SYT16: variants seen among roughly 807,000 people sequenced by gnomAD.
SYT16 encodes synaptotagmin 16, also known as synaptotagmin-16.
A neutral mutation model predicts 61.4 loss-of-function variants in SYT16; 42 were observed. That is an observed-to-expected ratio of 0.68 (90% CI 0.53 to 0.89). SYT16 has a LOEUF of 0.89. Among genes scored for constraint, SYT16 ranks in the 40% least tolerant of loss-of-function variants. The pLI is 0.00. For missense variants in SYT16, 804 were observed against 807.3 expected (o/e 1.00, Z 0.05); for synonymous variants, 314 against 302.3 (o/e 1.04, Z -0.40).
At chr14:61,986,617 A>G (rs945946568) in intron 2 of SYT16, among the ~76,000 whole-genome samples, 1 of 151,768 alleles carries the variant, frequency 6.6e-6, no homozygotes, top group Non-Finnish European at 1.5e-5. Context: ...CCACCCCACA[A>G]CAGGCCCCGG....
intron 1 of SYT16, among the ~76,000 whole-genome samples, chr14:61,964,021 T>C (rs1218598675): frequency 3.3e-5 from 5 of 152,124 alleles, no homozygotes; most frequent in Non-Finnish European, 7.4e-5. Context: ...GGAGACTCCT[T>C]TCAAAATATT....
At chr14:61,997,252 C>A (rs1333096082) in intron 3 of SYT16, among the ~76,000 whole-genome samples, 1 of 152,040 alleles carries the variant, frequency 6.6e-6, no homozygotes, top group Non-Finnish European at 1.5e-5. Context: ...GAAGTAAGGA[C>A]ATTCCACCTG....
At chr14:62,097,453 C>G (rs2057306879) in intron 7 of SYT16, among the ~76,000 whole-genome samples, 1 of 152,166 alleles carries the variant, frequency 6.6e-6, no homozygotes, top group South Asian at 2.1e-4. Flanking sequence ...TCCATTCAGT[C>G]TGACTGGTGT....
chr14:61,905,776 G>T lies in SYT16; in HGVS notation c.-324-64356G>T, dbSNP rs2583901. On this transcript the variant is annotated intron_variant, in intron 1 of 7. Coordinates refer to ENST00000683842, the MANE Select transcript of SYT16 (RefSeq NM_001367656.1). ...TCTTCTTCTTCTTTTTTTTTTTTTT[G>T]GGGATAAATCTCGCTCTGTTGCCCA... 2.9e-3 allele frequency among the ~76,000 whole-genome samples: 37 copies of T among 12,578 alleles called. 2 individuals carry two copies. Among genetic ancestry groups the T allele is most frequent in the East Asian group, 5.0e-3 (2 of 398 alleles). 8.3% of individuals were successfully genotyped at this position (12,578 alleles called of 152,430 possible). A position where few individuals can be genotyped will look rare whatever the true frequency, so the allele number is the denominator to read the frequency against.
At chr14:61,987,823 A>T (rs1475630640) in intron 2 of SYT16, among the ~76,000 whole-genome samples, 4 of 151,678 alleles carry the variant, frequency 2.6e-5, no homozygotes, top group Non-Finnish European at 5.9e-5. Flanking sequence ...CAAACACTGA[A>T]TGATTGCTGA....
At chr14:61,855,444 C>G (rs1271097614) in intron 1 of SYT16, among the ~76,000 whole-genome samples, 1 of 152,176 alleles carries the variant, frequency 6.6e-6, no homozygotes, top group Non-Finnish European at 1.5e-5. Flanking sequence ...TTAATATGCT[C>G]ACAACACTTA....
chr14:62,078,106 GCTCTCTCT>G, intron 5 of SYT16, among the ~76,000 whole-genome samples: 1 of 137,536 alleles, frequency 7.3e-6, no homozygotes, highest in African/African-American at 2.8e-5. Flanking sequence ...TTGTGCGCTT[GCTCTCTCT>G]CTCTCTCTCT....
chr14:61,956,714 A>G (rs1447034783), intron 1 of SYT16, among the ~76,000 whole-genome samples: 1 of 151,926 alleles, frequency 6.6e-6, no homozygotes, highest in Non-Finnish European at 1.5e-5. Context: ...GCTTTGCAAT[A>G]TGTTTTGACA....
chr14:62,048,924 G>C (rs1398657379), intron 3 of SYT16, among the ~76,000 whole-genome samples: 1 of 152,160 alleles, frequency 6.6e-6, no homozygotes, highest in Admixed American at 6.5e-5. Context: ...AATAGGTGTG[G>C]TGTGGTGCTG....
At chr14:62,043,191 T>G (rs1194509993) in intron 3 of SYT16, among the ~76,000 whole-genome samples, 1 of 151,622 alleles carries the variant, frequency 6.6e-6, no homozygotes, top group Non-Finnish European at 1.5e-5. Flanking sequence ...TCTCGTCCTA[T>G]AGTAGTACTT....
intron 3 of SYT16, among the ~76,000 whole-genome samples, chr14:62,008,772 T>A (rs563440109): frequency 6.6e-6 from 1 of 152,228 alleles, no homozygotes; most frequent in Admixed American, 6.6e-5. Context: ...CAATGTTATG[T>A]TTTTGAGTTA....
intron 2 of SYT16, among the ~76,000 whole-genome samples, chr14:61,971,104 C>T (rs2051535186): frequency 6.6e-6 from 1 of 151,952 alleles, no homozygotes; most frequent in African/African-American, 2.4e-5. Flanking sequence ...TCTAAGTATG[C>T]CTGGACCAAG....
chr14:62,050,049 A>G (rs769651434), intron 3 of SYT16, among the ~76,000 whole-genome samples: 1 of 152,142 alleles, frequency 6.6e-6, no homozygotes, highest in South Asian at 2.1e-4. Flanking sequence ...TTCTCCTGGA[A>G]AATATCCTGC....
rs58063130 is a variant in SYT16 at position 62,043,099 on chromosome 14, C to CTTT, written c.524-26490_524-26488dup. Among the ~76,000 whole-genome samples the CTTT allele has an allele frequency of 7.1e-4, 97 of 137,054 alleles. 1 individual carries two copies. Among genetic ancestry groups the CTTT allele is most frequent in the African/African-American group, 1.8e-3 (70 of 38,124 alleles). 89.9% of individuals were successfully genotyped at this position (137,054 alleles called of 152,430 possible). A position where few individuals can be genotyped will look rare whatever the true frequency, so the allele number is the denominator to read the frequency against. On this transcript the variant is annotated intron_variant, in intron 3 of 7. Transcript: ENST00000683842. ...GTTTTAAAGGTTGCCTGTGGTTTCT[C>CTTT]TTTTTTTTTTTTTTTTACATAGAAA...
In SYT16 at chr14:61,995,932, C is replaced by T. The variant is rs1326728414; in HGVS notation, c.-88C>T. The T allele has an allele frequency of 1.5e-6, 2 of 1,346,628 alleles. No homozygotes were observed. The highest frequency in any genetic ancestry group is 1.5e-5 in the African/African-American group (1 of 68,242). 83.4% of individuals were successfully genotyped at this position (1,346,628 alleles called of 1,614,324 possible). A position where few individuals can be genotyped will look rare whatever the true frequency, so the allele number is the denominator to read the frequency against. On this transcript the variant is annotated 5_prime_UTR_variant, in exon 3 of 8. Coordinates refer to ENST00000683842, the MANE Select transcript of SYT16 (RefSeq NM_001367656.1). ...CATTAAGAGACCTCCAAATTAATTT[C>T]TCAACATGCTTATTCTATAGTTCAC...
chr14:62,071,739 T>A (rs764035816), intron 4 of SYT16, among the ~76,000 whole-genome samples: 1 of 152,232 alleles, frequency 6.6e-6, no homozygotes, highest in Non-Finnish European at 1.5e-5. Flanking sequence ...AGCTGTTTTA[T>A]TCCACTGTAA....
chr14:62,046,813 ATC>A (rs1433545095), intron 3 of SYT16, among the ~76,000 whole-genome samples: 4 of 152,068 alleles, frequency 2.6e-5, no homozygotes, highest in Non-Finnish European at 5.9e-5. Context: ...ATTGGTCTAT[ATC>A]TCTGTTTTGG....
intron 1 of SYT16, among the ~76,000 whole-genome samples, chr14:61,836,854 T>C (rs1309883759): frequency 6.6e-6 from 1 of 152,232 alleles, no homozygotes; most frequent in Non-Finnish European, 1.5e-5. Context: ...AATTTTTTTG[T>C]GTGGCCTTAA....
intron 1 of SYT16, among the ~76,000 whole-genome samples, chr14:61,840,738 T>G (rs1177545896): frequency 6.6e-6 from 1 of 152,080 alleles, no homozygotes; most frequent in Admixed American, 6.6e-5. Flanking sequence ...TAAAGGGAGC[T>G]GAGATAGCTG....
Sources: allele counts gnomAD v4.1 joint callset (sites outside exome capture counted in the v4.1 genomes callset), GRCh38; gene constraint gnomAD v4.1.1; transcripts MANE v1.5; gene names NCBI Gene and HGNC (gene_info 2026-07-23, HGNC 2026-07-21).